Variants in TNR observed in about 807,000 individuals in gnomAD.
The protein encoded by TNR is tenascin R, also known as tenascin-R.
In TNR, 45 loss-of-function variants were observed where a neutral mutation model predicts 150.4. That is an observed-to-expected ratio of 0.30 (90% CI 0.24 to 0.38). TNR has a LOEUF of 0.38. Among genes scored for constraint, TNR ranks in the 10% least tolerant of loss-of-function variants. The pLI is 1.00. For missense variants in TNR, 1,544 were observed against 1,759.1 expected (o/e 0.88, Z 2.19); for synonymous variants, 687 against 678.4 (o/e 1.01, Z -0.20).
intron 1 of TNR, among the ~76,000 whole-genome samples, chr1:175,637,125 T>C (rs1664511381): frequency 6.6e-6 from 1 of 152,192 alleles, no homozygotes; most frequent in Admixed American, 6.5e-5. Flanking sequence ...GTTTAAGAAA[T>C]TAAGAGAAAA....
intron 1 of TNR, among the ~76,000 whole-genome samples, chr1:175,650,841 C>G (rs1435693801): frequency 7.3e-5 from 4 of 54,676 alleles, no homozygotes; most frequent in South Asian, 6.0e-4. Flanking sequence ...CCCTCCCCCA[C>G]CTCATTACTA....
At chr1:175,705,901 G>A (rs747099488) in intron 1 of TNR, among the ~76,000 whole-genome samples, 3 of 152,126 alleles carry the variant, frequency 2.0e-5, no homozygotes, top group Non-Finnish European at 2.9e-5. Context: ...GCCTGTGATT[G>A]TATTACTTCA....
chr1:175,626,472 A>G (rs556559397), intron 1 of TNR, among the ~76,000 whole-genome samples: 1 of 152,206 alleles, frequency 6.6e-6, no homozygotes, highest in East Asian at 1.9e-4. Context: ...CTTGCATTTC[A>G]TAGCTACCTT....
At chr1:175,574,902 T>C (rs560960514) in intron 1 of TNR, among the ~76,000 whole-genome samples, 1 of 152,266 alleles carries the variant, frequency 6.6e-6, no homozygotes, top group Non-Finnish European at 1.5e-5. Flanking sequence ...ATGTATTTAC[T>C]GAGTACCTAT....
chr1:175,513,115 A>C (rs1394870050), intron 2 of TNR, among the ~76,000 whole-genome samples: 1 of 152,196 alleles, frequency 6.6e-6, no homozygotes, highest in Non-Finnish European at 1.5e-5. Flanking sequence ...TTGGGTTGCC[A>C]GGTTTTAAAT....
chr1:175,568,256 T>G (rs541311178), intron 1 of TNR, among the ~76,000 whole-genome samples: 1 of 152,178 alleles, frequency 6.6e-6, no homozygotes, highest in Non-Finnish European at 1.5e-5. Flanking sequence ...GTCTGAAGTA[T>G]GATGATGGAT....
intron 1 of TNR, among the ~76,000 whole-genome samples, chr1:175,662,168 A>T (rs184862938): frequency 4.5e-4 from 69 of 152,292 alleles, no homozygotes; most frequent in African/African-American, 1.5e-3. Flanking sequence ...AGAAATCCAG[A>T]TGTGGGCAAG....
chr1:175,419,423 A>G (rs1654651576), intron 2 of TNR, among the ~76,000 whole-genome samples: 1 of 152,114 alleles, frequency 6.6e-6, no homozygotes, highest in South Asian at 2.1e-4. Flanking sequence ...GGGTTCCCAA[A>G]GTTCGTGTGG....
intron 4 of TNR, among the ~76,000 whole-genome samples, chr1:175,400,847 G>A (rs2102043182): frequency 6.6e-6 from 1 of 152,236 alleles, no homozygotes; most frequent in African/African-American, 2.4e-5. Flanking sequence ...TTCACAAAGA[G>A]CAAGCAAAGG....
At position 175,318,089 on chromosome 1, in the gene TNR, A is replaced by G. The variant is rs1648892095; in HGVS notation, c.*5268T>C. On this transcript the variant is annotated 3_prime_UTR_variant, in exon 23 of 23. Transcript: ENST00000367674. ...AGTCAGATCCAGGCAGAACTGGTTG[A>G]GCAAAGAAAGAAAGTCCTTCTGCTT... is the stretch of plus-strand genomic sequence containing the variant. 6.6e-6 allele frequency: 1 copy of G among 152,280 alleles called. No homozygotes were observed. The highest frequency in any genetic ancestry group is 1.5e-5 in the Non-Finnish European group (1 of 68,066). 9.4% of individuals were successfully genotyped at this position (152,280 alleles called of 1,614,324 possible).
intron 20 of TNR, among the ~76,000 whole-genome samples, chr1:175,331,948 A>G (rs530118508): frequency 6.6e-5 from 10 of 152,200 alleles, no homozygotes; most frequent in Non-Finnish European, 1.2e-4. Context: ...TATAAGTCAA[A>G]GGCTGTTTGA....
rs371858368 is a variant in TNR, at chr1:175,663,287, C to T, written c.-165+79939G>A. 2.0e-5 allele frequency among the ~76,000 whole-genome samples: 3 copies of T among 152,180 alleles called. No homozygotes were observed. The East Asian group carries it at 5.8e-4, about 29-fold the overall frequency. ...TCTCAAGTGAGACGCTGGTGCCAGT[C>T]AGGCCGGGTCACTGCAAGGGTTCAT... is the stretch of plus-strand genomic sequence containing the variant. On this transcript the variant is annotated intron_variant, in intron 1 of 22. Transcript: ENST00000367674.
chr1:175,395,606 T>C (rs1287184245), intron 5 of TNR, among the ~76,000 whole-genome samples: 1 of 43,146 alleles, frequency 2.3e-5, no homozygotes, highest in Non-Finnish European at 4.6e-5. Flanking sequence ...CACAGAGGCA[T>C]TTGTGTGCAT....
intron 2 of TNR, among the ~76,000 whole-genome samples, chr1:175,517,052 AG>A (rs1557981547): frequency 7.1e-5 from 10 of 141,272 alleles, no homozygotes; most frequent in African/African-American, 2.9e-4. Context: ...AGAGAGAGAG[AG>A]AGAGAAAGAG....
chr1:175,432,353 A>G (rs1325349310), intron 2 of TNR, among the ~76,000 whole-genome samples: 3 of 152,220 alleles, frequency 2.0e-5, no homozygotes, highest in African/African-American at 7.2e-5. Flanking sequence ...TAGAAGTAAT[A>G]GCAGGGAGCC....
In TNR at chr1:175,335,747, C is replaced by T; in HGVS notation, c.3595G>A (p.Val1199Ile). The T allele has an allele frequency of 6.2e-7, 1 of 1,614,130 alleles. No individual in the cohort carries two copies. Residue 1199 changes from valine to isoleucine, a missense_variant, in exon 20 of 23, where the codon GTT (valine) becomes ATT (isoleucine). Coordinates refer to ENST00000367674, the MANE Select transcript of TNR (RefSeq NM_003285.3). Reference protein sequence around the residue: ...DFFRKWADYRVGFGNVEDEFW... With the variant: ...DFFRKWADYRIGFGNVEDEFW... ...TCATCCTCCACGTTCCCGAAGCCAACACGGTAATCAGCCCATTTCCGGAAA... is the reference window on the plus strand; with the variant it reads ...TCATCCTCCACGTTCCCGAAGCCAATACGGTAATCAGCCCATTTCCGGAAA...
At chr1:175,429,863 C>T (rs1296063930) in intron 2 of TNR, among the ~76,000 whole-genome samples, 2 of 152,168 alleles carry the variant, frequency 1.3e-5, no homozygotes, top group Non-Finnish European at 2.9e-5. Flanking sequence ...CCCAGAAGCC[C>T]AGGGTTAGCA....
chr1:175,724,970 G>A (rs1177092327), intron 1 of TNR, among the ~76,000 whole-genome samples: 1 of 152,164 alleles, frequency 6.6e-6, no homozygotes, highest in African/African-American at 2.4e-5. Context: ...CTTGAGCCCA[G>A]GGTGTGAGAG....
intron 1 of TNR, among the ~76,000 whole-genome samples, chr1:175,667,473 C>T (rs1201765700): frequency 6.6e-6 from 1 of 152,232 alleles, no homozygotes; most frequent in African/African-American, 2.4e-5. Context: ...ATTTCTTAAG[C>T]ACCTGCTATG....
Sources: gnomAD v4.1 joint callset for allele counts (sites outside exome capture counted in the v4.1 genomes callset) on GRCh38, gnomAD v4.1.1 for gene constraint, MANE v1.5 for transcripts, NCBI Gene and HGNC (gene_info 2026-07-23, HGNC 2026-07-21) for gene names.